Variants in MED10 observed in about 807,000 individuals in gnomAD.
MED10 encodes mediator complex subunit 10.
A neutral mutation model predicts 17.2 loss-of-function variants in MED10; 9 were observed. The ratio of observed to expected loss-of-function variants is 0.52; its 90% CI spans 0.31 to 0.91. MED10 has a LOEUF of 0.91. Ranked by LOEUF, MED10 falls within the 40% of genes least tolerant of loss-of-function variation. MED10 has a pLI of 0.04. For missense variants in MED10, 129 were observed against 164.8 expected, an observed-to-expected ratio of 0.78 and a Z score of 1.19; for synonymous variants, 66 against 59.8, an observed-to-expected ratio of 1.10 and a Z score of -0.48.
rs1737953365 is a variant in MED10 at position 6,374,500 on chromosome 5, G to A, written c.207-74C>T. ...TCTCACAGCTTTCTGAAAGGTATGGGGGAATAAAGGTTAGGTATATATAAC... is the reference window on the plus strand; with the variant it reads ...TCTCACAGCTTTCTGAAAGGTATGGAGGAATAAAGGTTAGGTATATATAAC... On this transcript the variant is annotated intron_variant, in intron 2 of 3. Coordinates refer to ENST00000255764, the MANE Select transcript of MED10 (RefSeq NM_032286.3). 71 of 1,070,376 alleles carry A rather than the reference G, an allele frequency of 6.6e-5. 1 individual carries two copies. In the Admixed American group the frequency reaches 1.0e-3, roughly 16 times the overall value. 66.3% of individuals were successfully genotyped at this position (1,070,376 alleles called of 1,614,324 possible). A position where few individuals can be genotyped will look rare whatever the true frequency, so the allele number is the denominator to read the frequency against.
At chr5:6,374,287 CT>C in intron 3 of MED10, 36 bp downstream of exon 3, 1 of 1,428,906 alleles carries the variant, frequency 7.0e-7, no homozygotes, top group Non-Finnish European at 9.9e-7. Flanking sequence ...GAAGGCATCT[CT>C]TCCCACTGTA....
At position 6,377,255 on chromosome 5, in the gene MED10, G is replaced by A. The variant is rs767036800; in HGVS notation, c.123-6C>T. ...AGCCAGTAACAATAAAATTCCTGGG[G>A]GAAAGGCAAACACACAGGCATCTGG... On this transcript the variant is annotated splice_polypyrimidine_tract_variant and splice_region_variant and intron_variant, in intron 1 of 3. Transcript: ENST00000255764. The A allele has an allele frequency of 1.2e-6, 2 of 1,605,326 alleles. No individual in the cohort carries two copies. The highest frequency in any genetic ancestry group is 4.5e-5 in the East Asian group (2 of 44,704).
intron 1 of MED10, 110 bp downstream of exon 1, chr5:6,378,252 G>A (rs1316281143): frequency 2.2e-6 from 3 of 1,391,316 alleles, no homozygotes; most frequent in East Asian, 5.2e-5. Context: ...GGCTGGCGGG[G>A]CACGAGTAGC....
At chr5:6,373,704 G>A (rs929540716) in intron 3 of MED10, among the ~76,000 whole-genome samples, 7 of 152,198 alleles carry the variant, frequency 4.6e-5, no homozygotes, top group African/African-American at 7.2e-5. Flanking sequence ...TGCTGCACAC[G>A]GCAACAGTCG....
intron 1 of MED10, 21 bp downstream of exon 1, chr5:6,378,341 C>A: frequency 1.3e-6 from 2 of 1,583,532 alleles, no homozygotes; most frequent in East Asian, 2.3e-5. Context: ...GAGACCCCGG[C>A]AGCCTCGGGC....
Position 6,372,219 on chromosome 5 carries a change from C to T in MED10, c.*284G>A, listed in dbSNP as rs1417004810. 2.8e-6 allele frequency: 1 copy of T among 363,252 alleles called. No individual in the cohort carries two copies. The highest frequency in any genetic ancestry group is 2.1e-5 in the African/African-American group (1 of 48,442). 22.5% of individuals were successfully genotyped at this position (363,252 alleles called of 1,614,324 possible). ...TATTTAACATTTCCAAGACTATTTT[C>T]CTGCGCCTCATCTGCCCTCAGAGAG... On this transcript the variant is annotated 3_prime_UTR_variant, in exon 4 of 4. Transcript: ENST00000255764.
At chr5:6,374,297 T>C (rs372192533) in intron 3 of MED10, 27 bp downstream of exon 3, 3 of 1,504,880 alleles carry the variant, frequency 2.0e-6, no homozygotes, top group African/African-American at 2.8e-5. Context: ...CTTCCCACTG[T>C]ATTTCTGACA....
chr5:6,377,638 T>A (rs984598839), intron 1 of MED10, among the ~76,000 whole-genome samples: 9 of 152,204 alleles, frequency 5.9e-5, no homozygotes, highest in Admixed American at 5.9e-4. Context: ...ACTGTCTGGT[T>A]TAGCTTCCTC....
intron 3 of MED10, 119 bp from the exon 4 acceptor site, chr5:6,372,720 T>G: frequency 2.8e-6 from 2 of 715,842 alleles, no homozygotes; most frequent in Non-Finnish European, 4.7e-6. Context: ...GCCACGGGAC[T>G]GACCTGAGAC....
Position 6,372,437 on chromosome 5 carries a change from C to T in MED10, c.*66G>A. 7.3e-7 allele frequency: 1 copy of T among 1,370,396 alleles called. No individual in the cohort carries two copies. Among genetic ancestry groups the T allele is most frequent in the Non-Finnish European group, 1.0e-6 (1 of 959,772 alleles). 84.9% of individuals were successfully genotyped at this position (1,370,396 alleles called of 1,614,324 possible). ...CCTCAGCAGGAAGGTGGCGTCAGCA[C>T]TCGCAGTCCCAGCCTCACGCCGCAT... is the stretch of plus-strand genomic sequence containing the variant. On this transcript the variant is annotated 3_prime_UTR_variant, in exon 4 of 4. Coordinates refer to ENST00000255764, the MANE Select transcript of MED10 (RefSeq NM_032286.3).
At position 6,374,859 on chromosome 5, in the gene MED10, G is replaced by A. The variant is rs116892187; in HGVS notation, c.207-433C>T. On this transcript the variant is annotated intron_variant, in intron 2 of 3. Coordinates refer to ENST00000255764, the MANE Select transcript of MED10 (RefSeq NM_032286.3). ...GGGTGACATAGGCGGATCCTTCCACGATGCAGCCTCCATTCTAGGTCAGCC... is the reference window on the plus strand; with the variant it reads ...GGGTGACATAGGCGGATCCTTCCACAATGCAGCCTCCATTCTAGGTCAGCC... The A allele has an allele frequency of 1.8e-4, 30 of 164,582 alleles. No individual in the cohort carries two copies. The East Asian group carries it at 3.6e-3, about 20-fold the overall frequency. The allele number at this position is 164,582 out of a possible 1,614,324, so 10.2% of individuals were successfully genotyped here.
chr5:6,372,224 G>A lies in MED10; in HGVS notation c.*279C>T, dbSNP rs866699567. On this transcript the variant is annotated 3_prime_UTR_variant, in exon 4 of 4. Coordinates refer to ENST00000255764, the MANE Select transcript of MED10 (RefSeq NM_032286.3). The stretch of plus-strand genomic sequence containing the variant: ...AACATTTCCAAGACTATTTTCCTGC[G>A]CCTCATCTGCCCTCAGAGAGAATGA... 3.0e-5 allele frequency: 11 copies of A among 364,398 alleles called. No homozygotes were observed. The highest frequency in any genetic ancestry group is 1.7e-4 in the African/African-American group (8 of 48,174). The allele number at this position is 364,398 out of a possible 1,614,324, so 22.6% of individuals were successfully genotyped here.
chr5:6,377,944 A>C (rs943483465), intron 1 of MED10, among the ~76,000 whole-genome samples: 11 of 152,114 alleles, frequency 7.2e-5, no homozygotes, highest in Non-Finnish European at 1.6e-4. Context: ...TCACCTTCTG[A>C]GGCCTAGTTT....
rs1396079780 is a variant in MED10, at chr5:6,378,466, G to A, written c.18C>T (p.Asp6=). Residue 6 remains aspartate, a synonymous_variant, in exon 1 of 4, where the codon GAC becomes GAT. Transcript: ENST00000255764. ...ACTTCTCCAGGTGCTCCTCTAGGTG[G>A]TCAAACTTCTCCGCCATCGCCTCGG... MAEKF[D]HLEEHLEKFV... 1 of 1,612,332 alleles carries A rather than the reference G, an allele frequency of 6.2e-7. No homozygotes were observed. The highest frequency in any genetic ancestry group is 1.7e-5 in the Admixed American group (1 of 59,884).
chr5:6,373,917 G>A (rs569487178), intron 3 of MED10, among the ~76,000 whole-genome samples: 1 of 152,274 alleles, frequency 6.6e-6, no homozygotes, highest in East Asian at 1.9e-4. Flanking sequence ...GAAGTTTGGA[G>A]GTCAGAAGCT....
At chr5:6,373,030 G>A (rs767156238) in intron 3 of MED10, among the ~76,000 whole-genome samples, 2 of 152,212 alleles carry the variant, frequency 1.3e-5, no homozygotes, top group Admixed American at 6.5e-5. Flanking sequence ...TGAAGGTGAC[G>A]CTGGACTCAA....
intron 2 of MED10, chr5:6,376,903 T>G (rs1738002578): frequency 3.4e-6 from 1 of 296,500 alleles, no homozygotes; most frequent in African/African-American, 2.2e-5. Context: ...TAATAAGCTT[T>G]TATTTACATG....
At chr5:6,377,352 T>C in intron 1 of MED10, 103 bp from the exon 2 acceptor site, 1 of 718,074 alleles carries the variant, frequency 1.4e-6, no homozygotes. Context: ...GCAAGTTCGT[T>C]CTCCTCACAG....
At position 6,377,163 on chromosome 5, in the gene MED10, T is replaced by C. The variant is rs759000545; in HGVS notation, c.206+3A>G. 3.1e-6 allele frequency: 5 copies of C among 1,591,346 alleles called. No homozygotes were observed. The East Asian group carries it at 1.1e-4, about 36-fold the overall frequency. On this transcript the variant is annotated splice_donor_region_variant and intron_variant, in intron 2 of 3. Coordinates refer to ENST00000255764, the MANE Select transcript of MED10 (RefSeq NM_032286.3). ...CAAGACTAATATCAAGAATGTTACT[T>C]ACTCAAAAACTTCTAACGGTACAGT...
Sources: gnomAD v4.1 joint callset for allele counts (sites outside exome capture counted in the v4.1 genomes callset) on GRCh38, gnomAD v4.1.1 for gene constraint, MANE v1.5 for transcripts, NCBI Gene and HGNC (gene_info 2026-07-23, HGNC 2026-07-21) for gene names.